Variants in DIAPH2 observed in about 807,000 individuals in gnomAD.
The protein encoded by DIAPH2 is diaphanous related formin 2, also known as protein diaphanous homolog 2.
In DIAPH2, 35 loss-of-function variants were observed where a neutral mutation model predicts 92.7. That is an observed-to-expected ratio of 0.38 (90% CI 0.29 to 0.50). DIAPH2 has a LOEUF of 0.50. Among genes scored for constraint, DIAPH2 ranks in the 20% least tolerant of loss-of-function variants. The probability of loss-of-function intolerance (pLI) is 0.94; values close to 1 mark genes in which losing one functional copy is unlikely to be tolerated. For synonymous variants in DIAPH2, 301 were observed against 280.4 expected (o/e 1.07, Z -0.73); for missense variants, 701 against 819.5 (o/e 0.86, Z 1.77).
At chrX:97,027,993 A>G (rs778331592) in intron 17 of DIAPH2, among the ~76,000 whole-genome samples, 1 of 112,611 alleles carries the variant, frequency 8.9e-6, no homozygotes, top group Admixed American at 9.4e-5. Flanking sequence ...AAGCTGTATT[A>G]TGTAAAATGC....
intron 1 of DIAPH2, among the ~76,000 whole-genome samples, chrX:96,690,110 C>A (rs1216954956): frequency 1.8e-5 from 2 of 110,639 alleles, no homozygotes; most frequent in Non-Finnish European, 3.8e-5. Flanking sequence ...CTTCTACCCC[C>A]AGCTTGTTTG....
At chrX:97,045,259 G>A (rs73551264) in intron 17 of DIAPH2, among the ~76,000 whole-genome samples, 3,719 of 111,761 alleles carry the variant, frequency 0.033, 136 homozygotes, top group African/African-American at 0.11. Flanking sequence ...AAACTTGGGT[G>A]GTGTCAGGGT....
chrX:96,702,171 A>T (rs1402032126), intron 1 of DIAPH2, among the ~76,000 whole-genome samples: 1 of 112,138 alleles, frequency 8.9e-6, no homozygotes, highest in Non-Finnish European at 1.9e-5. Flanking sequence ...ACATTAGTTG[A>T]GAAATAATAG....
chrX:97,353,250 CAAAT>C (rs2069235501), intron 24 of DIAPH2, among the ~76,000 whole-genome samples: 1 of 110,817 alleles, frequency 9.0e-6, no homozygotes, highest in South Asian at 3.7e-4. Context: ...GTTGACTGCA[CAAAT>C]AGTCTTTTTT....
chrX:96,749,145 A>AAAAATAT (rs1252042191), intron 3 of DIAPH2, among the ~76,000 whole-genome samples: 29 of 79,804 alleles, frequency 3.6e-4, no homozygotes, highest in African/African-American at 1.4e-3. Context: ...AAAAAAAAAA[A>AAAAATAT]ATATATATAT....
intron 4 of DIAPH2, among the ~76,000 whole-genome samples, chrX:96,846,482 C>T (rs1475090212): frequency 8.9e-6 from 1 of 111,980 alleles, no homozygotes; most frequent in Non-Finnish European, 1.9e-5. Flanking sequence ...ATTTGAATAC[C>T]TATAATTATG....
intron 23 of DIAPH2, among the ~76,000 whole-genome samples, chrX:97,287,235 G>A (rs751141928): frequency 1.0e-3 from 114 of 110,374 alleles, no homozygotes; most frequent in African/African-American, 3.7e-3. Flanking sequence ...GAACCTGGAG[G>A]CAGAGGTTGC....
intron 22 of DIAPH2, among the ~76,000 whole-genome samples, chrX:97,143,177 A>G (rs1021382552): frequency 5.4e-5 from 6 of 111,361 alleles, no homozygotes; most frequent in Admixed American, 9.7e-5. Context: ...AGCTCTTCTA[A>G]AGAATTTATC....
At chrX:97,483,396 C>CG (rs2070664877) in intron 26 of DIAPH2, among the ~76,000 whole-genome samples, 1 of 80,218 alleles carries the variant, frequency 1.2e-5, no homozygotes, top group Admixed American at 1.5e-4. Flanking sequence ...TTGAAGGGGG[C>CG]AAAAGAGAGA....
In DIAPH2 at chrX:97,364,334, C is replaced by T. The variant is rs190763871; in HGVS notation, c.3009+16054C>T. ...ATCAGAGAATTCAGGCAACCCAAAACCCTGATCCAGCCCACCCTGTCTTTT... is the reference window on the plus strand; with the variant it reads ...ATCAGAGAATTCAGGCAACCCAAAATCCTGATCCAGCCCACCCTGTCTTTT... On this transcript the variant is annotated intron_variant, in intron 24 of 26. Transcript: ENST00000324765. Among the ~76,000 whole-genome samples the T allele has an allele frequency of 2.1e-4, 23 of 112,044 alleles. No individual in the cohort carries two copies. In the East Asian group the frequency reaches 6.2e-3, roughly 30 times the overall value.
intron 26 of DIAPH2, among the ~76,000 whole-genome samples, chrX:97,506,536 T>C (rs1289404436): frequency 1.9e-5 from 2 of 107,895 alleles, no homozygotes; most frequent in African/African-American, 6.8e-5. Flanking sequence ...TTTCTTGGCT[T>C]ATAGTTTCTG....
Position 97,068,878 on chromosome X carries a change from T to TGAAG in DIAPH2, c.2051-4062_2051-4059dup, listed in dbSNP as rs777578354. 1.4e-4 allele frequency among the ~76,000 whole-genome samples: 16 copies of TGAAG among 112,216 alleles called. No individual in the cohort carries two copies. In the South Asian group the frequency reaches 3.3e-3, roughly 23 times the overall value. On this transcript the variant is annotated intron_variant, in intron 17 of 26. Coordinates refer to ENST00000324765, the MANE Select transcript of DIAPH2 (RefSeq NM_006729.5). Reference sequence around the variant, plus strand: ...ACATAAATATACAAATATGTATGCATGAAGTTACATAAATTTTCAGTGTGT... The same window carrying TGAAG: ...ACATAAATATACAAATATGTATGCATGAAGGAAGTTACATAAATTTTCAGTGTGT...
At chrX:97,394,725 G>A (rs904676939) in intron 25 of DIAPH2, among the ~76,000 whole-genome samples, 2 of 112,041 alleles carry the variant, frequency 1.8e-5, no homozygotes, top group African/African-American at 6.5e-5. Context: ...CTAAGTTCAA[G>A]CATTGGGATA....
chrX:97,263,654 T>G (rs1312858694), intron 23 of DIAPH2, among the ~76,000 whole-genome samples: 1 of 109,117 alleles, frequency 9.2e-6, no homozygotes, highest in African/African-American at 3.3e-5. Context: ...TGGCACAATC[T>G]CAGCTCACTG....
At chrX:97,518,438 T>C (rs2070965901) in intron 26 of DIAPH2, among the ~76,000 whole-genome samples, 1 of 110,782 alleles carries the variant, frequency 9.0e-6, no homozygotes, top group Admixed American at 9.7e-5. Flanking sequence ...TAATCCCTAC[T>C]GAAAAACATG....
chrX:97,565,744 GT>G (rs1031125061), intron 26 of DIAPH2, among the ~76,000 whole-genome samples: 1 of 111,716 alleles, frequency 9.0e-6, no homozygotes, highest in African/African-American at 3.3e-5. Context: ...TAATTTTTGT[GT>G]CATCTAACAG....
intron 4 of DIAPH2, chrX:96,793,721 C>T (rs1446536218): frequency 5.5e-5 from 18 of 324,762 alleles, no homozygotes; most frequent in Non-Finnish European, 9.4e-5. Flanking sequence ...AACCTAATTA[C>T]TTCCCAAAGA....
At chrX:97,585,620 C>T (rs949028678) in intron 26 of DIAPH2, among the ~76,000 whole-genome samples, 3 of 109,815 alleles carry the variant, frequency 2.7e-5, no homozygotes, top group Admixed American at 1.9e-4. Context: ...ATGGTTTCAG[C>T]TAGAAGTGGT....
At chrX:97,423,205 G>A (rs1015681864) in intron 25 of DIAPH2, among the ~76,000 whole-genome samples, 1 of 111,195 alleles carries the variant, frequency 9.0e-6, no homozygotes, top group Non-Finnish European at 1.9e-5. Context: ...TGTCTGCAAA[G>A]CAAATGAACC....
Sources: gnomAD v4.1 joint callset for allele counts (sites outside exome capture counted in the v4.1 genomes callset) on GRCh38, gnomAD v4.1.1 for gene constraint, MANE v1.5 for transcripts, NCBI Gene and HGNC (gene_info 2026-07-23, HGNC 2026-07-21) for gene names.